Variants in CERS6 observed in about 807,000 individuals in gnomAD.
The protein encoded by CERS6 is LAG1 homolog, ceramide synthase 6.
In CERS6, 26 loss-of-function variants were observed where a neutral mutation model predicts 56.8. The observed-to-expected ratio is 0.46, with a 90% CI of 0.34 to 0.63. The LOEUF is 0.63. Among genes scored for constraint, CERS6 ranks in the 30% least tolerant of loss-of-function variants. The probability of loss-of-function intolerance (pLI) is 0.01; values close to 1 mark genes in which losing one functional copy is unlikely to be tolerated. For synonymous variants in CERS6, 164 were observed against 173.3 expected (o/e 0.95, Z 0.42); for missense variants, 415 against 467.5 (o/e 0.89, Z 1.04).
chr2:168,501,292 C>T (rs78076938), intron 1 of CERS6, among the ~76,000 whole-genome samples: 2,475 of 152,294 alleles, frequency 0.016, 49 homozygotes, highest in African/African-American at 0.057. Flanking sequence ...TATAAATTAA[C>T]AGCACAAGGA....
intron 1 of CERS6, among the ~76,000 whole-genome samples, chr2:168,529,508 T>A (rs887033310): frequency 2.0e-5 from 3 of 152,152 alleles, no homozygotes; most frequent in African/African-American, 7.2e-5. Flanking sequence ...GATGACCAAA[T>A]TTTGTGGGTT....
At chr2:168,662,300 A>G (rs1006926868) in intron 4 of CERS6, among the ~76,000 whole-genome samples, 1 of 152,196 alleles carries the variant, frequency 6.6e-6, no homozygotes, top group African/African-American at 2.4e-5. Flanking sequence ...TGGATTTCAT[A>G]CAGTAGTCTT....
intron 4 of CERS6, among the ~76,000 whole-genome samples, chr2:168,669,401 A>G (rs777181744): frequency 7.9e-5 from 12 of 152,186 alleles, no homozygotes; most frequent in Non-Finnish European, 1.5e-4. Flanking sequence ...ACAGGGCCCT[A>G]TCTAACTGCA....
intron 4 of CERS6, among the ~76,000 whole-genome samples, chr2:168,685,633 T>C (rs1308370019): frequency 1.3e-5 from 2 of 152,140 alleles, no homozygotes; most frequent in South Asian, 2.1e-4. Context: ...TACCCTTCTC[T>C]TAAAAAAAAA....
chr2:168,594,584 C>G (rs1450441534), intron 3 of CERS6, among the ~76,000 whole-genome samples: 1 of 151,742 alleles, frequency 6.6e-6, no homozygotes, highest in African/African-American at 2.4e-5. Flanking sequence ...GACCCTGTCT[C>G]AAAAAAAATT....
At chr2:168,699,491 A>G (rs1202898556) in intron 6 of CERS6, among the ~76,000 whole-genome samples, 1 of 152,240 alleles carries the variant, frequency 6.6e-6, no homozygotes, top group African/African-American at 2.4e-5. Flanking sequence ...TCAGACTTCT[A>G]GAATCAGTAC....
chr2:168,648,900 A>G (rs1685270596), intron 4 of CERS6, among the ~76,000 whole-genome samples: 1 of 152,118 alleles, frequency 6.6e-6, no homozygotes, highest in Admixed American at 6.5e-5. Context: ...GGATTGTTGT[A>G]TGACCAATTA....
At chr2:168,726,005 A>G (rs1253172932) in intron 8 of CERS6, among the ~76,000 whole-genome samples, 1 of 152,174 alleles carries the variant, frequency 6.6e-6, no homozygotes, top group Non-Finnish European at 1.5e-5. Flanking sequence ...CTACGTTCCT[A>G]ACAATTTCCC....
chr2:168,545,748 T>A (rs957049973), intron 1 of CERS6, among the ~76,000 whole-genome samples: 2 of 152,176 alleles, frequency 1.3e-5, no homozygotes, highest in African/African-American at 4.8e-5. Context: ...TCACAGGGCA[T>A]ACAAAGAGGA....
At chr2:168,596,520 C>T (rs2105407083) in intron 3 of CERS6, among the ~76,000 whole-genome samples, 1 of 149,434 alleles carries the variant, frequency 6.7e-6, no homozygotes, top group South Asian at 2.1e-4. Flanking sequence ...TGCCTTCATT[C>T]ATTAAATCAT....
chr2:168,564,707 C>G (rs2105384232), intron 3 of CERS6, among the ~76,000 whole-genome samples: 1 of 152,246 alleles, frequency 6.6e-6, no homozygotes, highest in Admixed American at 6.5e-5. Flanking sequence ...CCATTTATCC[C>G]CTCACCATTC....
At chr2:168,678,199 C>G (rs1686114555) in intron 4 of CERS6, among the ~76,000 whole-genome samples, 2 of 152,208 alleles carry the variant, frequency 1.3e-5, no homozygotes, top group Admixed American at 6.5e-5. Context: ...AAACGTCTTA[C>G]TATTGTTACG....
chr2:168,724,672 C>G (rs1027471696), intron 8 of CERS6, among the ~76,000 whole-genome samples: 1 of 151,470 alleles, frequency 6.6e-6, no homozygotes, highest in Non-Finnish European at 1.5e-5. Context: ...TACAGAGTGT[C>G]GATTGGTGCA....
chr2:168,456,714 C>T lies in CERS6; in HGVS notation c.170+96C>T. The T allele has an allele frequency of 1.6e-6, 2 of 1,235,792 alleles. No homozygotes were observed. The highest frequency in any genetic ancestry group is 2.3e-6 in the Non-Finnish European group (2 of 879,564). The allele number at this position is 1,235,792 out of a possible 1,614,324, so 76.6% of individuals were successfully genotyped here. On this transcript the variant is annotated intron_variant, in intron 1 of 9. Transcript: ENST00000305747. The surrounding 1 kb of genome is among the most constrained non-coding windows in gnomAD (Gnocchi z 4.1). The stretch of plus-strand genomic sequence containing the variant: ...CTGGCGCACGCCCCCGCGCCCCCAA[C>T]GCTCGCGTTCACGCCTCCCAACCTT...
intron 6 of CERS6, among the ~76,000 whole-genome samples, chr2:168,709,405 T>A (rs1353220193): frequency 6.6e-6 from 1 of 151,864 alleles, no homozygotes; most frequent in East Asian, 1.9e-4. Context: ...GTGAAGACCA[T>A]GTTTGATTTT....
rs577796906 is a variant in CERS6, at chr2:168,523,329, A to G, written c.171-24267A>G. ...CTTATCAGGGAAGAAGATTTTTTTC[A>G]GTCCTTTCTAGTACCCCCAGTAAAC... On this transcript the variant is annotated intron_variant, in intron 1 of 9. Transcript: ENST00000305747. Among the ~76,000 whole-genome samples the G allele has an allele frequency of 2.6e-5, 4 of 152,294 alleles. No homozygotes were observed. The East Asian group carries it at 7.7e-4, about 29-fold the overall frequency.
chr2:168,719,975 G>A (rs12999854), intron 8 of CERS6, among the ~76,000 whole-genome samples: 2 of 150,026 alleles, frequency 1.3e-5, no homozygotes, highest in Admixed American at 6.6e-5. Context: ...TTTCCCTGTC[G>A]CCCAGGCTGG....
At chr2:168,459,981 C>G (rs1210810224) in intron 1 of CERS6, among the ~76,000 whole-genome samples, 1 of 152,078 alleles carries the variant, frequency 6.6e-6, no homozygotes, top group Non-Finnish European at 1.5e-5. Context: ...AAGTATAGAT[C>G]GGGAATCAGA....
At chr2:168,537,469 A>G (rs921366809) in intron 1 of CERS6, among the ~76,000 whole-genome samples, 2 of 152,224 alleles carry the variant, frequency 1.3e-5, no homozygotes, top group Admixed American at 1.3e-4. Context: ...TTCCTCCGGT[A>G]CAGCAAGTGT....
Sources: gnomAD v4.1 joint callset for allele counts (sites outside exome capture counted in the v4.1 genomes callset) on GRCh38, gnomAD v4.1.1 for gene constraint, Gnocchi (gnomAD v3.1) non-coding constraint, MANE v1.5 for transcripts, NCBI Gene and HGNC (gene_info 2026-07-23, HGNC 2026-07-21) for gene names.